NXPE4: variants seen among roughly 807,000 people sequenced by gnomAD.
The protein encoded by NXPE4 is neurexophilin and PC-esterase domain family member 4, also known as NXPE family member 4.
In NXPE4, 42 loss-of-function variants were observed where a neutral mutation model predicts 33.3. The ratio of observed to expected loss-of-function variants is 1.26; its 90% CI spans 0.98 to 1.63. The LOEUF is 1.63. NXPE4 is among the 40% of genes most tolerant of loss of function. The probability of loss-of-function intolerance (pLI) is 0.00; values close to 1 mark genes in which losing one functional copy is unlikely to be tolerated. For missense variants in NXPE4, 709 were observed against 647.6 expected (o/e 1.09, Z -1.03); for synonymous variants, 253 against 234.9 (o/e 1.08, Z -0.71).
rs1040996602 is a variant in NXPE4 at position 114,570,724 on chromosome 11, C to G, written c.*214G>C. The G allele has an allele frequency of 4.5e-6, 2 of 443,138 alleles. No individual in the cohort carries two copies. The highest frequency in any genetic ancestry group is 3.9e-5 in the Admixed American group (1 of 25,436). The allele number at this position is 443,138 out of a possible 1,614,324, so 27.5% of individuals were successfully genotyped here. On this transcript the variant is annotated 3_prime_UTR_variant, in exon 6 of 6. Transcript: ENST00000375478. The stretch of plus-strand genomic sequence containing the variant: ...TATGGCTCTGATCAAGAAGGGTAGG[C>G]TCTTTTCATGAGTATTTTTAGTTTT...
chr11:114,600,550 C>T (rs1025619146), upstream of NXPE4, among the ~76,000 whole-genome samples: 2 of 151,916 alleles, frequency 1.3e-5, no homozygotes, highest in Admixed American at 6.6e-5. Context: ...AATTGAGTGA[C>T]GTTCTACAAA....
chr11:114,612,079 GATA>G, the NXPE4 span, among the ~76,000 whole-genome samples: 1 of 151,886 alleles, frequency 6.6e-6, no homozygotes, highest in African/African-American at 2.4e-5. Flanking sequence ...TTACATGGTG[GATA>G]ATAAGTGTTG....
chr11:114,672,129 G>T, the NXPE4 span, among the ~76,000 whole-genome samples: 27 of 152,020 alleles, frequency 1.8e-4, no homozygotes, highest in African/African-American at 5.8e-4. Flanking sequence ...AGAACAGCAA[G>T]GGGGAAGTCC....
chr11:114,631,103 G>T, the NXPE4 span, among the ~76,000 whole-genome samples: 1 of 151,938 alleles, frequency 6.6e-6, no homozygotes, highest in Non-Finnish European at 1.5e-5. Context: ...AATCATTGTG[G>T]AAGTCAGTGT....
At chr11:114,601,228 ATCCCATT>A in the NXPE4 span, among the ~76,000 whole-genome samples, 3 of 151,230 alleles carry the variant, frequency 2.0e-5, no homozygotes, top group South Asian at 6.2e-4. Context: ...GTAATTTTTC[ATCCCATT>A]TCCCTTCCCA....
chr11:114,609,015 C>T, the NXPE4 span, among the ~76,000 whole-genome samples: 1 of 151,758 alleles, frequency 6.6e-6, no homozygotes. Flanking sequence ...TAAGTGTTGC[C>T]TTGTGGGTAA....
At chr11:114,606,723 G>T in the NXPE4 span, among the ~76,000 whole-genome samples, 1 of 151,974 alleles carries the variant, frequency 6.6e-6, no homozygotes, top group Admixed American at 6.6e-5. Context: ...TGTCTCATGG[G>T]TAACCACTGC....
the NXPE4 span, among the ~76,000 whole-genome samples, chr11:114,644,849 C>A: frequency 2.0e-5 from 3 of 151,714 alleles, no homozygotes; most frequent in Admixed American, 1.3e-4. Context: ...GTAATTAAGA[C>A]AGTGTAGCAT....
the NXPE4 span, among the ~76,000 whole-genome samples, chr11:114,657,315 G>C: frequency 6.6e-6 from 1 of 152,102 alleles, no homozygotes; most frequent in Admixed American, 6.6e-5. Flanking sequence ...ATAGAATTTA[G>C]AGGAGTCTGT....
chr11:114,615,191 T>C, the NXPE4 span, among the ~76,000 whole-genome samples: 4 of 151,988 alleles, frequency 2.6e-5, no homozygotes, highest in Admixed American at 2.6e-4. Flanking sequence ...CCTTCGTTGG[T>C]AACCACTGTT....
the NXPE4 span, among the ~76,000 whole-genome samples, chr11:114,604,530 T>C: frequency 6.6e-6 from 1 of 151,918 alleles, no homozygotes; most frequent in African/African-American, 2.4e-5. Context: ...ACCTGGTAAA[T>C]AATAAGTATT....
the NXPE4 span, among the ~76,000 whole-genome samples, chr11:114,610,321 G>GGTA: frequency 1.3e-5 from 2 of 151,560 alleles, no homozygotes; most frequent in Non-Finnish European, 2.9e-5. Context: ...ACTGTTATCC[G>GGTA]GTGAATAATA....
At chr11:114,603,304 A>ATT in the NXPE4 span, among the ~76,000 whole-genome samples, 1 of 71,464 alleles carries the variant, frequency 1.4e-5, no homozygotes. Flanking sequence ...CCTAGGTAAC[A>ATT]CCTATTACCT....
the NXPE4 span, among the ~76,000 whole-genome samples, chr11:114,618,279 T>G: frequency 1.3e-5 from 2 of 151,902 alleles, no homozygotes; most frequent in African/African-American, 2.4e-5. Context: ...ATAATAAGTA[T>G]TACCGCATGG....
At chr11:114,639,136 GGCT>G in the NXPE4 span, among the ~76,000 whole-genome samples, 1 of 151,922 alleles carries the variant, frequency 6.6e-6, no homozygotes, top group Non-Finnish European at 1.5e-5. Context: ...CGAGCTTCCC[GGCT>G]GCTTTGTTTA....
chr11:114,644,853 G>A, the NXPE4 span, among the ~76,000 whole-genome samples: 1 of 151,986 alleles, frequency 6.6e-6, no homozygotes, highest in African/African-American at 2.4e-5. Context: ...TTAAGACAGT[G>A]TAGCATTTGC....
At chr11:114,629,388 T>C in the NXPE4 span, among the ~76,000 whole-genome samples, 2 of 151,936 alleles carry the variant, frequency 1.3e-5, no homozygotes, top group East Asian at 1.9e-4. Context: ...ATAAATGTAA[T>C]CCAGCATATA....
chr11:114,575,041 C>T lies in NXPE4; in HGVS notation c.1100-3568G>A, dbSNP rs146438400. Among the ~76,000 whole-genome samples, 445 of 152,022 alleles carry T rather than the reference C, an allele frequency of 2.9e-3. 5 individuals carry two copies. The highest frequency in any genetic ancestry group is 0.011 in the East Asian group (55 of 5,168). ...AGGGACGCAGGGATGGCTTAACATA[C>T]GTAAGTCAATAAATGTGATACACCA... On this transcript the variant is annotated intron_variant, in intron 5 of 5. Transcript: ENST00000375478.
chr11:114,602,324 CTATA>C, the NXPE4 span, among the ~76,000 whole-genome samples: 2 of 118,142 alleles, frequency 1.7e-5, no homozygotes, highest in Non-Finnish European at 3.2e-5. Flanking sequence ...ATATATTATA[CTATA>C]TATATGTTAT....
Sources: gnomAD v4.1 joint callset for allele counts (sites outside exome capture counted in the v4.1 genomes callset) on GRCh38, gnomAD v4.1.1 for gene constraint, MANE v1.5 for transcripts, NCBI Gene and HGNC (gene_info 2026-07-23, HGNC 2026-07-21) for gene names.